Variants in GRIK2 observed in about 807,000 individuals in gnomAD.
The protein encoded by GRIK2 is glutamate ionotropic receptor kainate type subunit 2, also known as glutamate receptor ionotropic, kainate 2.
GRIK2 carries 32 observed loss-of-function variants against 100.3 expected under a neutral mutation model. That is an observed-to-expected ratio of 0.32 (90% CI 0.24 to 0.43). The LOEUF is 0.43. Among genes scored for constraint, GRIK2 ranks in the 20% least tolerant of loss-of-function variants. The pLI is 1.00. For missense variants in GRIK2, 843 were observed against 1,114.9 expected (o/e 0.76, Z 3.47); for synonymous variants, 417 against 389.4 (o/e 1.07, Z -0.83).
intron 2 of GRIK2, among the ~76,000 whole-genome samples, chr6:101,547,244 G>A (rs542811733): frequency 6.6e-6 from 1 of 152,136 alleles, no homozygotes; most frequent in Non-Finnish European, 1.5e-5. Flanking sequence ...AAGGATGAGC[G>A]TAATATTTGA....
chr6:102,055,030 G>A (rs147353858), intron 15 of GRIK2, among the ~76,000 whole-genome samples: 43 of 152,212 alleles, frequency 2.8e-4, no homozygotes, highest in African/African-American at 9.4e-4. Flanking sequence ...CACTCTATCC[G>A]TTTTCCTTTG....
intron 1 of GRIK2, among the ~76,000 whole-genome samples, chr6:101,397,834 G>C (rs1353600442): frequency 6.6e-6 from 1 of 151,942 alleles, no homozygotes; most frequent in Non-Finnish European, 1.5e-5. Context: ...AGGTCCAACA[G>C]TTTGCCTTTT....
intron 2 of GRIK2, among the ~76,000 whole-genome samples, chr6:101,457,910 C>G (rs541072116): frequency 1.8e-4 from 28 of 152,080 alleles, no homozygotes; most frequent in South Asian, 4.2e-4. Context: ...GATTTAAAAC[C>G]ATTAAATCTT....
At chr6:101,751,334 T>A (rs543928186) in intron 7 of GRIK2, among the ~76,000 whole-genome samples, 1 of 152,278 alleles carries the variant, frequency 6.6e-6, no homozygotes, top group South Asian at 2.1e-4. Context: ...CAAACCCTCA[T>A]GTATTCTACC....
chr6:101,770,741 A>C (rs1476778710), intron 7 of GRIK2, among the ~76,000 whole-genome samples: 3 of 152,174 alleles, frequency 2.0e-5, no homozygotes, highest in Non-Finnish European at 4.4e-5. Context: ...TTCAGTACAC[A>C]TTCTGATTAT....
At chr6:101,847,885 C>T (rs547256084) in intron 10 of GRIK2, among the ~76,000 whole-genome samples, 61 of 152,164 alleles carry the variant, frequency 4.0e-4, no homozygotes, top group African/African-American at 1.3e-3. Context: ...CAATCTATTT[C>T]TTGCCCCTAC....
intron 12 of GRIK2, among the ~76,000 whole-genome samples, chr6:101,891,136 T>TG (rs1385946505): frequency 6.6e-6 from 1 of 151,430 alleles, no homozygotes; most frequent in Admixed American, 6.6e-5. Flanking sequence ...AATTAAACTT[T>TG]TTTTTTTCCA....
intron 12 of GRIK2, among the ~76,000 whole-genome samples, chr6:101,897,004 AC>A (rs1306041115): frequency 2.5e-3 from 49 of 19,856 alleles, no homozygotes; most frequent in African/African-American, 4.0e-3. Flanking sequence ...TTTAACACAC[AC>A]ACACACACAC....
At chr6:101,449,672 T>C (rs1770563441) in intron 2 of GRIK2, among the ~76,000 whole-genome samples, 1 of 151,738 alleles carries the variant, frequency 6.6e-6, no homozygotes, top group Admixed American at 6.6e-5. Flanking sequence ...CAGATTCTCC[T>C]TTGTGTCTCT....
At chr6:101,649,067 A>T (rs1369077088) in intron 4 of GRIK2, among the ~76,000 whole-genome samples, 1 of 152,050 alleles carries the variant, frequency 6.6e-6, no homozygotes, top group African/African-American at 2.4e-5. Flanking sequence ...AGATTATTAC[A>T]ATTCAAGGTG....
At chr6:101,587,405 C>T (rs956099348) in intron 2 of GRIK2, among the ~76,000 whole-genome samples, 5 of 152,088 alleles carry the variant, frequency 3.3e-5, no homozygotes, top group Middle Eastern at 3.4e-3. Context: ...TCTGTCCCTC[C>T]GTCCATCCAT....
chr6:101,436,134 C>A (rs1470249375), intron 2 of GRIK2, among the ~76,000 whole-genome samples: 1 of 152,066 alleles, frequency 6.6e-6, no homozygotes, highest in Non-Finnish European at 1.5e-5. Context: ...ATTCAGAGTA[C>A]AGTTTTTCAG....
chr6:101,911,185 A>G (rs1788663054), intron 12 of GRIK2, among the ~76,000 whole-genome samples: 1 of 151,420 alleles, frequency 6.6e-6, no homozygotes, highest in African/African-American at 2.4e-5. Flanking sequence ...GCATGTAAAG[A>G]GAGGAAGAAA....
chr6:101,934,647 T>A (rs530274807), intron 14 of GRIK2, among the ~76,000 whole-genome samples: 2 of 151,930 alleles, frequency 1.3e-5, no homozygotes, highest in South Asian at 4.1e-4. Context: ...TAAAAACATA[T>A]ACTATTCATT....
chr6:101,894,526 G>A (rs1420242712), intron 12 of GRIK2, among the ~76,000 whole-genome samples: 1 of 151,516 alleles, frequency 6.6e-6, no homozygotes, highest in Non-Finnish European at 1.5e-5. Flanking sequence ...TCCGGGATGG[G>A]TTCATGCTTA....
At chr6:101,878,606 G>A (rs982906935) in intron 11 of GRIK2, among the ~76,000 whole-genome samples, 5 of 152,022 alleles carry the variant, frequency 3.3e-5, no homozygotes, top group Admixed American at 1.3e-4. Context: ...AACTCTCTCT[G>A]TATTTTTATT....
intron 2 of GRIK2, among the ~76,000 whole-genome samples, chr6:101,412,458 G>T (rs1314072189): frequency 6.6e-6 from 1 of 151,960 alleles, no homozygotes; most frequent in Non-Finnish European, 1.5e-5. Context: ...AAAGTAGCAT[G>T]ATTATAGGTT....
chr6:101,584,713 A>G (rs1260348902), intron 2 of GRIK2, among the ~76,000 whole-genome samples: 1 of 152,048 alleles, frequency 6.6e-6, no homozygotes, highest in Non-Finnish European at 1.5e-5. Flanking sequence ...ATAACTACCC[A>G]AAGTTATAAT....
intron 2 of GRIK2, among the ~76,000 whole-genome samples, chr6:101,582,179 C>T (rs151095408): frequency 6.0e-4 from 91 of 152,156 alleles, no homozygotes; most frequent in African/African-American, 2.1e-3. Flanking sequence ...ATCAATCCAT[C>T]ATCTACATCA....
Sources: allele counts gnomAD v4.1 joint callset (sites outside exome capture counted in the v4.1 genomes callset), GRCh38; gene constraint gnomAD v4.1.1; transcripts MANE v1.5; gene names NCBI Gene and HGNC (gene_info 2026-07-23, HGNC 2026-07-21).